The following FAF1 variants were observed in gnomAD, a reference collection of about 807,000 sequenced individuals.
FAF1 encodes the protein Fas associated factor 1.
FAF1 carries 25 observed loss-of-function variants against 92.5 expected under a neutral mutation model. The ratio of observed to expected loss-of-function variants is 0.27; its 90% CI spans 0.20 to 0.38. FAF1 has a LOEUF of 0.38. Ranked by LOEUF, FAF1 falls within the 10% of genes least tolerant of loss-of-function variation. The pLI is 1.00. For synonymous variants in FAF1, 234 were observed against 273.2 expected, an observed-to-expected ratio of 0.86 and a Z score of 1.42; for missense variants, 636 against 793.3, an observed-to-expected ratio of 0.80 and a Z score of 2.38.
At chr1:50,780,513 C>A (rs1661134133) in intron 4 of FAF1, 1 of 190,568 alleles carries the variant, frequency 5.2e-6, no homozygotes. Context: ...TTTCTCATCC[C>A]CTGGGTACGG....
intron 1 of FAF1, among the ~76,000 whole-genome samples, chr1:50,922,358 C>A (rs1194972052): frequency 7.1e-6 from 1 of 141,650 alleles, no homozygotes; most frequent in African/African-American, 2.6e-5. Flanking sequence ...ACTAGGGAGG[C>A]TGAGGCAGGA....
chr1:50,826,669 T>C (rs753738066), intron 2 of FAF1, among the ~76,000 whole-genome samples: 1 of 151,892 alleles, frequency 6.6e-6, no homozygotes, highest in Non-Finnish European at 1.5e-5. Flanking sequence ...AAGAGGAAAG[T>C]CTGTACAAAT....
At chr1:50,636,448 C>T (rs1036919544) in intron 8 of FAF1, among the ~76,000 whole-genome samples, 1 of 126,636 alleles carries the variant, frequency 7.9e-6, no homozygotes. Flanking sequence ...TATAGTGGTG[C>T]GATCTCAGCT....
At chr1:50,668,162 G>C (rs984341635) in intron 7 of FAF1, among the ~76,000 whole-genome samples, 5 of 152,180 alleles carry the variant, frequency 3.3e-5, no homozygotes, top group Non-Finnish European at 7.3e-5. Flanking sequence ...TGGGGGTGTG[G>C]CTCATCAAGT....
In FAF1 at chr1:50,713,323, G is replaced by A. The variant is rs571433646; in HGVS notation, c.552-7432C>T. Among the ~76,000 whole-genome samples, 7 of 151,680 alleles carry A rather than the reference G, an allele frequency of 4.6e-5. 1 individual carries two copies. The East Asian group carries it at 1.4e-3, about 29-fold the overall frequency. On this transcript the variant is annotated intron_variant, in intron 6 of 18. Transcript: ENST00000396153. ...GTCTCTCACTCTGTCACCCAGGCTG[G>A]AGTGCAGTGGCACGATCTAGGTTCA...
chr1:50,920,453 T>C (rs1644954131), intron 1 of FAF1, among the ~76,000 whole-genome samples: 1 of 152,210 alleles, frequency 6.6e-6, no homozygotes, highest in Admixed American at 6.5e-5. Context: ...ATGTCACTGA[T>C]ACGTGGCAGA....
intron 4 of FAF1, among the ~76,000 whole-genome samples, chr1:50,787,456 G>A (rs770094131): frequency 5.3e-5 from 8 of 152,130 alleles, no homozygotes; most frequent in Non-Finnish European, 1.0e-4. Context: ...TGTCATGTGA[G>A]GACACAATGT....
intron 7 of FAF1, among the ~76,000 whole-genome samples, chr1:50,694,773 C>G (rs192655555): frequency 0.014 from 2,044 of 147,172 alleles, 23 homozygotes; most frequent in Non-Finnish European, 0.023. Flanking sequence ...TGGTGAAACC[C>G]CATCTCTACT....
At chr1:50,771,303 G>C (rs1219460812) in intron 4 of FAF1, among the ~76,000 whole-genome samples, 1 of 152,122 alleles carries the variant, frequency 6.6e-6, no homozygotes, top group Admixed American at 6.5e-5. Context: ...ACTATCAACA[G>C]AGTAATCACA....
chr1:50,937,453 A>G (rs1172832791), intron 1 of FAF1, among the ~76,000 whole-genome samples: 1 of 152,038 alleles, frequency 6.6e-6, no homozygotes, highest in Non-Finnish European at 1.5e-5. Context: ...GTAAATCAGT[A>G]AGTTACAAAG....
intron 7 of FAF1, among the ~76,000 whole-genome samples, chr1:50,666,221 T>C (rs1376299833): frequency 6.6e-6 from 1 of 151,910 alleles, no homozygotes; most frequent in Non-Finnish European, 1.5e-5. Context: ...GCTGGACACT[T>C]TTTTTGTGTT....
intron 17 of FAF1, among the ~76,000 whole-genome samples, chr1:50,477,305 G>A (rs1216995175): frequency 6.6e-6 from 1 of 152,108 alleles, no homozygotes; most frequent in Non-Finnish European, 1.5e-5. Flanking sequence ...AAAATTTTCA[G>A]TATGGCATCT....
At chr1:50,831,907 T>G (rs1171619550) in intron 2 of FAF1, among the ~76,000 whole-genome samples, 2 of 150,866 alleles carry the variant, frequency 1.3e-5, no homozygotes, top group African/African-American at 2.4e-5. Context: ...GAGCTCCGCC[T>G]CTCGTCAGAT....
intron 2 of FAF1, among the ~76,000 whole-genome samples, chr1:50,853,673 A>G (rs904533900): frequency 2.6e-5 from 4 of 152,176 alleles, no homozygotes; most frequent in East Asian, 3.9e-4. Flanking sequence ...GTTATCAAGT[A>G]TATGTCAGAT....
intron 7 of FAF1, among the ~76,000 whole-genome samples, chr1:50,657,960 T>A (rs948503227): frequency 6.6e-6 from 1 of 152,212 alleles, no homozygotes; most frequent in Non-Finnish European, 1.5e-5. Context: ...TTATAGTCAG[T>A]CACATCATTT....
At chr1:50,648,951 T>C (rs1447265774) in intron 8 of FAF1, among the ~76,000 whole-genome samples, 1 of 152,076 alleles carries the variant, frequency 6.6e-6, no homozygotes, top group Non-Finnish European at 1.5e-5. Context: ...CTGGCCCTAA[T>C]TGTTTGTAAC....
chr1:50,723,041 A>C (rs1247133591), intron 6 of FAF1, among the ~76,000 whole-genome samples: 2 of 152,226 alleles, frequency 1.3e-5, no homozygotes, highest in Non-Finnish European at 2.9e-5. Context: ...AAATAGTAGG[A>C]AATAGACAAG....
At chr1:50,543,858 A>G (rs1648873831) in intron 13 of FAF1, among the ~76,000 whole-genome samples, 1 of 152,168 alleles carries the variant, frequency 6.6e-6, no homozygotes, top group Non-Finnish European at 1.5e-5. Flanking sequence ...ACAAAATTTT[A>G]AACATTTACA....
chr1:50,673,384 T>A (rs928934345), intron 7 of FAF1, among the ~76,000 whole-genome samples: 1 of 152,212 alleles, frequency 6.6e-6, no homozygotes, highest in Non-Finnish European at 1.5e-5. Context: ...GTGCTAATAA[T>A]TCATGAGCAT....
Sources: gnomAD v4.1 joint callset for allele counts (sites outside exome capture counted in the v4.1 genomes callset) on GRCh38, gnomAD v4.1.1 for gene constraint, MANE v1.5 for transcripts, NCBI Gene and HGNC (gene_info 2026-07-23, HGNC 2026-07-21) for gene names.